Variants in ARHGAP6 observed in about 807,000 individuals in gnomAD.
The protein encoded by ARHGAP6 is rho GTPase-activating protein 6.
A neutral mutation model predicts 55.7 loss-of-function variants in ARHGAP6; 16 were observed. The observed-to-expected ratio is 0.29, with a 90% confidence interval of 0.19 to 0.44. The LOEUF (loss-of-function observed/expected upper bound fraction) is 0.44, where lower values mean the gene tolerates loss of function less well. Ranked by LOEUF, ARHGAP6 falls within the 20% of genes least tolerant of loss-of-function variation. The probability of loss-of-function intolerance (pLI) is 1.00; values close to 1 mark genes in which losing one functional copy is unlikely to be tolerated. For missense variants in ARHGAP6, 698 were observed against 808.9 expected (o/e 0.86, Z 1.66); for synonymous variants, 382 against 360.9 (o/e 1.06, Z -0.66).
At chrX:11,201,987 A>ATATG (rs1250170973) in intron 2 of ARHGAP6, among the ~76,000 whole-genome samples, 1 of 28,793 alleles carries the variant, frequency 3.5e-5, no homozygotes, top group South Asian at 2.1e-3. Context: ...GAGCATCTGG[A>ATATG]TCTGTGTGTG....
intron 9 of ARHGAP6, among the ~76,000 whole-genome samples, chrX:11,158,714 C>T (rs553632972): frequency 8.9e-6 from 1 of 112,171 alleles, no homozygotes; most frequent in South Asian, 3.7e-4. Context: ...GCAGTCATTC[C>T]ACACAAGCTC....
At chrX:11,572,802 C>A (rs1376102841) in intron 1 of ARHGAP6, among the ~76,000 whole-genome samples, 8 of 111,560 alleles carry the variant, frequency 7.2e-5, no homozygotes, top group African/African-American at 2.6e-4. Flanking sequence ...TACAGTCCCA[C>A]CAACAGTGTA....
intron 1 of ARHGAP6, among the ~76,000 whole-genome samples, chrX:11,355,295 T>C (rs906643883): frequency 2.7e-5 from 3 of 112,362 alleles, no homozygotes; most frequent in East Asian, 5.6e-4. Flanking sequence ...GGATACGCCT[T>C]TGAAAGACAT....
intron 1 of ARHGAP6, among the ~76,000 whole-genome samples, chrX:11,606,525 G>A (rs2052037878): frequency 9.0e-6 from 1 of 111,414 alleles, no homozygotes. Flanking sequence ...GGATCAATGA[G>A]GCCTGTGAGA....
chrX:11,383,755 T>C (rs939396866), intron 1 of ARHGAP6, among the ~76,000 whole-genome samples: 2 of 111,597 alleles, frequency 1.8e-5, no homozygotes, highest in Non-Finnish European at 3.8e-5. Context: ...TAAAACTCAG[T>C]TGGCTATAAC....
intron 1 of ARHGAP6, among the ~76,000 whole-genome samples, chrX:11,330,323 TA>T (rs1324121658): frequency 1.8e-5 from 2 of 112,869 alleles, no homozygotes; most frequent in Non-Finnish European, 3.8e-5. Context: ...ACAAAAAGAT[TA>T]AATATTTGGG....
At chrX:11,462,745 G>T (rs1381722075) in intron 1 of ARHGAP6, among the ~76,000 whole-genome samples, 1 of 112,198 alleles carries the variant, frequency 8.9e-6, no homozygotes, top group Non-Finnish European at 1.9e-5. Flanking sequence ...ATGTTGTGTG[G>T]TAAGGATTCT....
intron 1 of ARHGAP6, among the ~76,000 whole-genome samples, chrX:11,309,065 A>C (rs182063197): frequency 1.8e-5 from 2 of 111,760 alleles, no homozygotes; most frequent in African/African-American, 3.3e-5. Flanking sequence ...CACATTGAGC[A>C]AATCCCTCCA....
At chrX:11,649,987 TTTTC>T (rs1311696640) in intron 1 of ARHGAP6, among the ~76,000 whole-genome samples, 2 of 104,587 alleles carry the variant, frequency 1.9e-5, no homozygotes, top group African/African-American at 7.0e-5. Flanking sequence ...TTCAACTTTC[TTTTC>T]TTTTTTTTTT....
rs1267881786 is a variant in ARHGAP6, at chrX:11,570,828, A to G, written c.588+93413T>C. On this transcript the variant is annotated intron_variant, in intron 1 of 12. Coordinates refer to ENST00000337414, the MANE Select transcript of ARHGAP6 (RefSeq NM_013427.3). ...AATATTTTTGTCCCCTCCAAAATTT[A>G]TGATGAAAGTTAATCCCTATTGTGG... Among the ~76,000 whole-genome samples, 3 of 112,073 alleles carry G rather than the reference A, an allele frequency of 2.7e-5. No individual in the cohort carries two copies. In the East Asian group the frequency reaches 8.4e-4, roughly 31 times the overall value.
intron 1 of ARHGAP6, among the ~76,000 whole-genome samples, chrX:11,449,331 T>C (rs961804815): frequency 1.8e-5 from 2 of 112,514 alleles, no homozygotes; most frequent in African/African-American, 6.5e-5. Context: ...CAAGTGCCAG[T>C]TCAATTACAT....
chrX:11,494,190 T>A (rs980564882), intron 1 of ARHGAP6, among the ~76,000 whole-genome samples: 25 of 112,231 alleles, frequency 2.2e-4, no homozygotes, highest in Non-Finnish European at 2.1e-4. Context: ...CATAGCCAGA[T>A]GTCCTCTGAA....
intron 1 of ARHGAP6, among the ~76,000 whole-genome samples, chrX:11,473,932 A>G (rs2147830392): frequency 9.0e-6 from 1 of 111,499 alleles, no homozygotes; most frequent in African/African-American, 3.3e-5. Flanking sequence ...TATTGAACAC[A>G]TATGCCCTGT....
At position 11,243,701 on chromosome X, in the gene ARHGAP6, A is replaced by G. The variant is rs2047315430; in HGVS notation, c.748+10847T>C. Among the ~76,000 whole-genome samples the G allele has an allele frequency of 2.7e-5, 3 of 112,631 alleles. No homozygotes were observed. In the South Asian group the frequency reaches 1.1e-3, roughly 41 times the overall value. ...CAATGCTTTGGTCAACAGGCCATAT[A>G]TAAGACAGTGGTCTGAAAAGATTAT... On this transcript the variant is annotated intron_variant, in intron 2 of 12. Coordinates refer to ENST00000337414, the MANE Select transcript of ARHGAP6 (RefSeq NM_013427.3).
At chrX:11,177,371 G>C (rs1045807079) in intron 8 of ARHGAP6, among the ~76,000 whole-genome samples, 2 of 59,385 alleles carry the variant, frequency 3.4e-5, no homozygotes, top group Non-Finnish European at 7.0e-5. Flanking sequence ...TTTGGTGGGC[G>C]GGGGGGGGGC....
chrX:11,144,431 T>A (rs1052010105), intron 10 of ARHGAP6, among the ~76,000 whole-genome samples, 183 bp from the exon 11 acceptor site: 1 of 112,125 alleles, frequency 8.9e-6, no homozygotes, highest in Non-Finnish European at 1.9e-5. Context: ...TTCAACGATA[T>A]GACCAGCAGA....
At chrX:11,337,730 C>A (rs780342912) in intron 1 of ARHGAP6, among the ~76,000 whole-genome samples, 1 of 112,593 alleles carries the variant, frequency 8.9e-6, no homozygotes, top group Non-Finnish European at 1.9e-5. Flanking sequence ...GTGGAGCAAA[C>A]ACAGCATAGA....
chrX:11,209,331 G>C (rs1411455575), intron 2 of ARHGAP6, among the ~76,000 whole-genome samples: 1 of 111,225 alleles, frequency 9.0e-6, no homozygotes, highest in Non-Finnish European at 1.9e-5. Context: ...TTTTGGGAGA[G>C]ATGGGGTTTC....
intron 2 of ARHGAP6, among the ~76,000 whole-genome samples, chrX:11,247,703 T>C (rs2047371471): frequency 1.8e-5 from 2 of 112,620 alleles, no homozygotes; most frequent in Admixed American, 1.9e-4. Context: ...ACCAAAATAA[T>C]ATTAATTGGA....
Sources: allele counts gnomAD v4.1 joint callset (sites outside exome capture counted in the v4.1 genomes callset), GRCh38; gene constraint gnomAD v4.1.1; transcripts MANE v1.5; gene names NCBI Gene and HGNC (gene_info 2026-07-23, HGNC 2026-07-21).